UGT2A1: variants seen among roughly 807,000 people sequenced by gnomAD.
UGT2A1 encodes the protein UDP glucuronosyltransferase family 2 member A1 complex locus, also known as UDP-glucuronosyltransferase 2A1.
In UGT2A1, 61 loss-of-function variants were observed where a neutral mutation model predicts 45.4. The ratio of observed to expected loss-of-function variants is 1.34; its 90% CI spans 1.09 to 1.66. The LOEUF (loss-of-function observed/expected upper bound fraction) is 1.66. Among genes scored for constraint, UGT2A1 ranks in the 40% most tolerant of loss-of-function variants. UGT2A1 has a pLI of 0.00. For synonymous variants in UGT2A1, 229 were observed against 196.2 expected, an observed-to-expected ratio of 1.17 and a Z score of -1.40; for missense variants, 649 against 574.3, an observed-to-expected ratio of 1.13 and a Z score of -1.33.
chr4:69,617,549 T>C (rs986794591), intron 3 of UGT2A1, among the ~76,000 whole-genome samples: 2 of 151,922 alleles, frequency 1.3e-5, no homozygotes, highest in Non-Finnish European at 2.9e-5. Flanking sequence ...CTCTAAGCAC[T>C]AGTTTCCTTC....
intron 3 of UGT2A1, among the ~76,000 whole-genome samples, chr4:69,632,699 C>A (rs558201488): frequency 1.3e-5 from 2 of 151,910 alleles, no homozygotes; most frequent in Admixed American, 1.3e-4. Flanking sequence ...ACCTGCCTGG[C>A]CAACAGAATG....
chr4:69,593,835 T>A (rs1718728188), intron 6 of UGT2A1, among the ~76,000 whole-genome samples: 1 of 151,954 alleles, frequency 6.6e-6, no homozygotes, highest in Non-Finnish European at 1.5e-5. Context: ...ATTTTGTATT[T>A]ACTGATTAGT....
At position 69,647,253 on chromosome 4, in the gene UGT2A1, T is replaced by A. The variant is rs1722313373; in HGVS notation, c.392A>T (p.Lys131Ile). ...TAGCTTTGCCATCAGCTGTTGGTTTTTAAGAACGCCATCACAGATCTCCTG... is the reference window on the plus strand; with the variant it reads ...TAGCTTTGCCATCAGCTGTTGGTTTATAAGAACGCCATCACAGATCTCCTG... ...VSQEICDGVL[K>I]NQQLMAKLKK... is the part of the protein sequence containing the mutation. Residue 131 changes from lysine (K) to isoleucine (I), a missense_variant, in exon 2 of 7, where the codon AAA becomes ATA. Physicochemically the swap from Lys to Ile is moderately radical, Grantham distance 102. Coordinates refer to ENST00000286604, the MANE Select transcript of UGT2A1 (RefSeq NM_001252275.3). The A allele has an allele frequency of 3.1e-6, 5 of 1,613,388 alleles. No homozygotes were observed. In the Admixed American group the frequency reaches 8.3e-5, roughly 27 times the overall value.
At chr4:69,611,684 G>C (rs1259975595) in intron 3 of UGT2A1, among the ~76,000 whole-genome samples, 1 of 152,064 alleles carries the variant, frequency 6.6e-6, no homozygotes, top group Non-Finnish European at 1.5e-5. Flanking sequence ...ATATAAAATT[G>C]TTCCCTTTAC....
chr4:69,612,869 T>A lies in UGT2A1; in HGVS notation c.848-13475A>T, dbSNP rs142628048. ...AAAGCAATTGCAACTGAAACAAAAA[T>A]TGACATGTGGGGCATAATTAAATAA... On this transcript the variant is annotated intron_variant, in intron 3 of 6. Transcript: ENST00000286604. Among the ~76,000 whole-genome samples the A allele has an allele frequency of 5.2e-3, 767 of 147,076 alleles. 9 individuals carry two copies. Among genetic ancestry groups the A allele is most frequent in the African/African-American group, 0.018 (701 of 39,974 alleles).
At position 69,601,982 on chromosome 4, in the gene UGT2A1, A is replaced by G. The variant is rs1719323271; in HGVS notation, c.848-2588T>C. 1.5e-5 allele frequency among the ~76,000 whole-genome samples: 2 copies of G among 137,244 alleles called. 1 individual carries two copies. Among genetic ancestry groups the G allele is most frequent in the Non-Finnish European group, 3.1e-5 (2 of 64,378 alleles). 90.0% of individuals were successfully genotyped at this position (137,244 alleles called of 152,430 possible). A position where few individuals can be genotyped will look rare whatever the true frequency, so the allele number is the denominator to read the frequency against. On this transcript the variant is annotated intron_variant, in intron 3 of 6. Coordinates refer to ENST00000286604, the MANE Select transcript of UGT2A1 (RefSeq NM_001252275.3). ...TAAGACAACTTGAATAATTAATATA[A>G]TCAAGAAAAAGTATATTATTGAAAT... is the stretch of plus-strand genomic sequence containing the variant.
At chr4:69,596,438 T>C in intron 4 of UGT2A1, 1 of 1,421,774 alleles carries the variant, frequency 7.0e-7, no homozygotes. Context: ...AAAAAATAAG[T>C]TTACTTACAC....
At chr4:69,623,242 C>T (rs1308951745) in intron 3 of UGT2A1, among the ~76,000 whole-genome samples, 2 of 151,748 alleles carry the variant, frequency 1.3e-5, no homozygotes, top group Non-Finnish European at 2.9e-5. Flanking sequence ...CCAAGTGATA[C>T]CACTACCCCA....
intron 1 of UGT2A1, among the ~76,000 whole-genome samples, chr4:69,651,032 C>T (rs1722500802): frequency 6.6e-6 from 1 of 152,200 alleles, no homozygotes; most frequent in East Asian, 1.9e-4. Context: ...TTGTGGAGTA[C>T]ATAATAGACG....
intron 2 of UGT2A1, among the ~76,000 whole-genome samples, chr4:69,645,419 G>T (rs1230835016): frequency 6.6e-6 from 1 of 151,768 alleles, no homozygotes; most frequent in Non-Finnish European, 1.5e-5. Flanking sequence ...TGTCAGAGAT[G>T]AGATAAATGA....
intron 3 of UGT2A1, among the ~76,000 whole-genome samples, chr4:69,634,137 C>T (rs1188383982): frequency 6.6e-6 from 1 of 151,892 alleles, no homozygotes; most frequent in Non-Finnish European, 1.5e-5. Flanking sequence ...CCCAGCTACT[C>T]CGGAGGCTGA....
intron 3 of UGT2A1, among the ~76,000 whole-genome samples, chr4:69,634,824 C>A (rs529541576): frequency 6.6e-6 from 1 of 152,236 alleles, no homozygotes; most frequent in African/African-American, 2.4e-5. Context: ...TAATGGTAAA[C>A]AATGCATGAT....
intron 4 of UGT2A1, among the ~76,000 whole-genome samples, chr4:69,597,811 T>C (rs1291837331): frequency 6.6e-6 from 1 of 152,106 alleles, no homozygotes; most frequent in East Asian, 1.9e-4. Context: ...TCTTGTTGTT[T>C]TTGTATTCTG....
intron 2 of UGT2A1, among the ~76,000 whole-genome samples, 167 bp from the exon 3 acceptor site, chr4:69,635,989 C>T (rs1015479436): frequency 2.6e-5 from 4 of 151,894 alleles, no homozygotes; most frequent in African/African-American, 9.7e-5. Flanking sequence ...TCCCTGTTCC[C>T]TTAGCTATTA....
At chr4:69,647,728 T>A (rs1722347205) in intron 1 of UGT2A1, 30 bp from the exon 2 acceptor site, 1 of 1,035,686 alleles carries the variant, frequency 9.7e-7, no homozygotes, top group African/African-American at 1.6e-5. Context: ...AAGACAAAAT[T>A]ATTTCTCAAT....
rs555876215 is a variant in UGT2A1 at position 69,603,023 on chromosome 4, C to T, written c.848-3629G>A. Among the ~76,000 whole-genome samples, 12 of 134,394 alleles carry T rather than the reference C, an allele frequency of 8.9e-5. 1 individual carries two copies. The South Asian group carries it at 9.7e-4, about 11-fold the overall frequency. The allele number at this position is 134,394 out of a possible 152,430, so 88.2% of individuals were successfully genotyped here. A position where few individuals can be genotyped will look rare whatever the true frequency, so the allele number is the denominator to read the frequency against. ...AGGAGGTTGCAGTGAGCCAAGATCACGCCACTGCAATCCACCCTGGGTGAC... is the reference window on the plus strand; with the variant it reads ...AGGAGGTTGCAGTGAGCCAAGATCATGCCACTGCAATCCACCCTGGGTGAC... On this transcript the variant is annotated intron_variant, in intron 3 of 6. Coordinates refer to ENST00000286604, the MANE Select transcript of UGT2A1 (RefSeq NM_001252275.3).
At chr4:69,606,738 A>C (rs1486342643) in intron 3 of UGT2A1, among the ~76,000 whole-genome samples, 1 of 137,040 alleles carries the variant, frequency 7.3e-6, no homozygotes, top group Non-Finnish European at 1.6e-5. Flanking sequence ...AGGATACAAA[A>C]TCAATGTGCA....
intron 6 of UGT2A1, among the ~76,000 whole-genome samples, chr4:69,590,642 T>C (rs1446208013): frequency 3.3e-5 from 5 of 150,936 alleles, no homozygotes; most frequent in African/African-American, 1.2e-4. Context: ...GTGTTGAGTG[T>C]GTGTGTGTGT....
intron 3 of UGT2A1, among the ~76,000 whole-genome samples, chr4:69,617,096 A>T (rs1248461556): frequency 6.6e-6 from 1 of 151,946 alleles, no homozygotes; most frequent in Non-Finnish European, 1.5e-5. Flanking sequence ...TCATCTGTAA[A>T]ATAAAGTTAG....
Sources: allele counts gnomAD v4.1 joint callset (sites outside exome capture counted in the v4.1 genomes callset), GRCh38; gene constraint gnomAD v4.1.1; transcripts MANE v1.5; gene names NCBI Gene and HGNC (gene_info 2026-07-23, HGNC 2026-07-21).